CDH23: variants seen among roughly 807,000 people sequenced by gnomAD.
The protein encoded by CDH23 is cadherin-23.
A neutral mutation model predicts 317.1 loss-of-function variants in CDH23; 189 were observed. That is an observed-to-expected ratio of 0.60 (90% CI 0.53 to 0.67). CDH23 has a LOEUF of 0.67. Ranked by LOEUF, CDH23 falls within the 30% of genes least tolerant of loss-of-function variation. The pLI is 0.00. For synonymous variants in CDH23, 1,839 were observed against 1,876.8 expected (o/e 0.98, Z 0.52); for missense variants, 4,401 against 4,592.4 (o/e 0.96, Z 1.20).
chr10:71,815,503 A>G lies in CDH23; in HGVS notation c.*225A>G. 2.2e-6 allele frequency: 1 copy of G among 454,856 alleles called. No homozygotes were observed. Among genetic ancestry groups the G allele is most frequent in the Non-Finnish European group, 3.9e-6 (1 of 258,378 alleles). The allele number at this position is 454,856 out of a possible 1,614,324, so 28.2% of individuals were successfully genotyped here. ...TCATAAGATCTGTTATTTTTATAAG[A>G]AAACCAAACAAAAATGTTAAGCATC... On this transcript the variant is annotated 3_prime_UTR_variant, in exon 70 of 70. Coordinates refer to ENST00000224721, the MANE Select transcript of CDH23 (RefSeq NM_022124.6).
chr10:71,694,543 A>G (rs2132714486), intron 21 of CDH23, among the ~76,000 whole-genome samples: 1 of 152,284 alleles, frequency 6.6e-6, no homozygotes, highest in South Asian at 2.1e-4. Context: ...GGCAGAAGGC[A>G]TGAGCCCCAT....
chr10:71,790,818 C>A lies in CDH23; in HGVS notation c.6050-314C>A, dbSNP rs536164448. ...CAGGAGGCCGCTTTGGTGACAGGTG[C>A]CGACAGGAAAGCACATCTGTCAACA... On this transcript the variant is annotated intron_variant, in intron 46 of 69. Transcript: ENST00000224721. 19 of 484,918 alleles carry A rather than the reference C, an allele frequency of 3.9e-5. 1 individual carries two copies. In the South Asian group the frequency reaches 4.5e-4, roughly 11 times the overall value. The allele number at this position is 484,918 out of a possible 1,614,324, so 30.0% of individuals were successfully genotyped here. A position where few individuals can be genotyped will look rare whatever the true frequency, so the allele number is the denominator to read the frequency against.
intron 1 of CDH23, among the ~76,000 whole-genome samples, chr10:71,413,612 A>G (rs1848423194): frequency 6.6e-6 from 1 of 152,208 alleles, no homozygotes; most frequent in African/African-American, 2.4e-5. Flanking sequence ...ACAATATTAA[A>G]TATGGTATCT....
chr10:71,651,719 G>T (rs1863182991), intron 14 of CDH23, among the ~76,000 whole-genome samples: 1 of 152,140 alleles, frequency 6.6e-6, no homozygotes, highest in Admixed American at 6.5e-5. Context: ...CCCACAATAT[G>T]CCCTTTGGGA....
chr10:71,620,398 C>T (rs554901471), intron 11 of CDH23, among the ~76,000 whole-genome samples: 1 of 152,294 alleles, frequency 6.6e-6, no homozygotes, highest in Non-Finnish European at 1.5e-5. Flanking sequence ...CAGCGAGTGC[C>T]ACCAGATGTA....
chr10:71,432,514 G>T (rs1312624763), intron 1 of CDH23, among the ~76,000 whole-genome samples: 1 of 151,334 alleles, frequency 6.6e-6, no homozygotes, highest in East Asian at 1.9e-4. Flanking sequence ...GTGGGTGAGT[G>T]TGAGTGTGTG....
chr10:71,642,190 G>T (rs945799842), intron 11 of CDH23, among the ~76,000 whole-genome samples: 4 of 151,904 alleles, frequency 2.6e-5, no homozygotes, highest in African/African-American at 9.7e-5. Flanking sequence ...CCTCCCCTTA[G>T]ACTGGGCCCT....
rs374106193 is a variant in CDH23 at position 71,709,224 on chromosome 10, C to T, written c.3220+13C>T. The T allele has an allele frequency of 3.7e-6, 6 of 1,603,898 alleles. No homozygotes were observed. Among genetic ancestry groups the T allele is most frequent in the Non-Finnish European group, 1.7e-6 (2 of 1,171,292 alleles). ...CTGGAGGCCATCGGTATGCACCAGT[C>T]CCGCACCCACCAACACAGTGATCTG... is the stretch of plus-strand genomic sequence containing the variant. On this transcript the variant is annotated intron_variant, in intron 27 of 69. Coordinates refer to ENST00000224721, the MANE Select transcript of CDH23 (RefSeq NM_022124.6).
intron 6 of CDH23, among the ~76,000 whole-genome samples, chr10:71,539,550 A>C (rs1323766918): frequency 2.0e-5 from 3 of 151,702 alleles, no homozygotes; most frequent in Admixed American, 6.6e-5. Context: ...GAGATATAAC[A>C]GCTCCTTTTA....
chr10:71,431,529 C>T (rs551884596), intron 1 of CDH23, among the ~76,000 whole-genome samples: 18 of 152,352 alleles, frequency 1.2e-4, no homozygotes, highest in African/African-American at 3.6e-4. Context: ...CCTTCTTGCA[C>T]GCACGAACCT....
At chr10:71,572,643 A>G (rs776962368) in intron 8 of CDH23, among the ~76,000 whole-genome samples, 93 of 151,778 alleles carry the variant, frequency 6.1e-4, no homozygotes, top group Non-Finnish European at 1.1e-3. Context: ...CCACCCACCC[A>G]TTTGTTCCCA....
At chr10:71,607,135 T>G (rs1222805388) in intron 9 of CDH23, among the ~76,000 whole-genome samples, 1 of 152,264 alleles carries the variant, frequency 6.6e-6, no homozygotes, top group Non-Finnish European at 1.5e-5. Context: ...ATTTTCATTA[T>G]ACAGTGATAC....
intron 3 of CDH23, among the ~76,000 whole-genome samples, chr10:71,473,626 G>A (rs1851630782): frequency 6.6e-6 from 1 of 152,194 alleles, no homozygotes; most frequent in Non-Finnish European, 1.5e-5. Context: ...TCTGTAAAAT[G>A]GAGATAAAAA....
intron 1 of CDH23, among the ~76,000 whole-genome samples, chr10:71,406,763 C>G (rs528169126): frequency 7.9e-5 from 12 of 152,188 alleles, no homozygotes; most frequent in Non-Finnish European, 1.6e-4. Context: ...GTCATTGAAC[C>G]CTTACTGTGT....
chr10:71,664,861 T>C (rs1002690656), intron 14 of CDH23, among the ~76,000 whole-genome samples: 2 of 150,846 alleles, frequency 1.3e-5, no homozygotes, highest in African/African-American at 4.9e-5. Flanking sequence ...CCTCCCTTGA[T>C]CACTTCCTTT....
intron 14 of CDH23, 135 bp from the exon 15 acceptor site, chr10:71,674,977 A>C: frequency 1.3e-6 from 1 of 756,990 alleles, no homozygotes; most frequent in Non-Finnish European, 2.3e-6. Context: ...GGCTTTCACC[A>C]GGCCTCACTG....
At chr10:71,716,197 G>C (rs967028226) in intron 28 of CDH23, 1 of 1,551,278 alleles carries the variant, frequency 6.4e-7, no homozygotes, top group Non-Finnish European at 8.7e-7. Context: ...TGGCCAGCAG[G>C]AGGAAGATGC....
chr10:71,786,572 A>C (rs185541686), intron 44 of CDH23, among the ~76,000 whole-genome samples: 63 of 139,920 alleles, frequency 4.5e-4, no homozygotes, highest in African/African-American at 1.7e-3. Flanking sequence ...ATCTCAGCTC[A>C]CTGCAACCTC....
intron 11 of CDH23, among the ~76,000 whole-genome samples, chr10:71,626,365 G>C (rs1861734335): frequency 6.6e-6 from 1 of 152,148 alleles, no homozygotes; most frequent in South Asian, 2.1e-4. Context: ...GGCATCCTTA[G>C]CCTTAGCCGT....
Sources: allele counts gnomAD v4.1 joint callset (sites outside exome capture counted in the v4.1 genomes callset), GRCh38; gene constraint gnomAD v4.1.1; transcripts MANE v1.5; gene names NCBI Gene and HGNC (gene_info 2026-07-23, HGNC 2026-07-21).